CTNNA2: variants seen among roughly 807,000 people sequenced by gnomAD.
CTNNA2 encodes the protein catenin alpha-2.
In CTNNA2, 42 loss-of-function variants were observed where a neutral mutation model predicts 101.0. That is an observed-to-expected ratio of 0.42 (90% confidence interval 0.32 to 0.54). The LOEUF (loss-of-function observed/expected upper bound fraction) is 0.54, where lower values mean the gene tolerates loss of function less well. Ranked by LOEUF, CTNNA2 falls within the 20% of genes least tolerant of loss-of-function variation. CTNNA2 has a pLI of 0.14. For synonymous variants in CTNNA2, 450 were observed against 456.4 expected (o/e 0.99, Z 0.18); for missense variants, 871 against 1,223.1 (o/e 0.71, Z 4.29).
chr2:80,619,346 C>G, intron 18 of CTNNA2, 118 bp downstream of exon 18: 4 of 1,173,166 alleles, frequency 3.4e-6, no homozygotes, highest in Non-Finnish European at 4.4e-6. Context: ...TTAATATTAA[C>G]CAACTTTGGG....
chr2:80,284,726 G>C (rs1244480867), intron 7 of CTNNA2, among the ~76,000 whole-genome samples: 1 of 151,782 alleles, frequency 6.6e-6, no homozygotes, highest in Non-Finnish European at 1.5e-5. Flanking sequence ...TTTTCTCCTT[G>C]GATATTCATT....
At chr2:80,633,954 A>T (rs556043453) in intron 18 of CTNNA2, among the ~76,000 whole-genome samples, 1 of 152,118 alleles carries the variant, frequency 6.6e-6, no homozygotes, top group Non-Finnish European at 1.5e-5. Flanking sequence ...TTTCTCTTTT[A>T]TTTCTCCAAA....
At chr2:80,371,099 A>C (rs915812190) in intron 7 of CTNNA2, among the ~76,000 whole-genome samples, 1 of 152,182 alleles carries the variant, frequency 6.6e-6, no homozygotes, top group Non-Finnish European at 1.5e-5. Flanking sequence ...AGGGTTAGGA[A>C]GGGTACTTCT....
At chr2:79,675,974 G>A (rs1683159085) in intron 2 of CTNNA2, among the ~76,000 whole-genome samples, 1 of 152,172 alleles carries the variant, frequency 6.6e-6, no homozygotes, top group Non-Finnish European at 1.5e-5. Flanking sequence ...AGTTTGTGGA[G>A]TGTCAAGGTA....
chr2:80,599,455 A>G (rs530631850), intron 15 of CTNNA2, among the ~76,000 whole-genome samples: 37 of 152,322 alleles, frequency 2.4e-4, no homozygotes, highest in African/African-American at 7.7e-4. Context: ...TTCCACAGTT[A>G]TTCTTCAGCT....
intron 7 of CTNNA2, among the ~76,000 whole-genome samples, chr2:80,266,836 G>A (rs910109427): frequency 2.6e-5 from 4 of 152,116 alleles, no homozygotes; most frequent in Admixed American, 6.5e-5. Context: ...CACAGAGCAG[G>A]CATCTTCCTA....
At chr2:79,232,131 G>A (rs1674500795) in intron 2 of CTNNA2, among the ~76,000 whole-genome samples, 1 of 152,110 alleles carries the variant, frequency 6.6e-6, no homozygotes, top group South Asian at 2.1e-4. Flanking sequence ...TCCTTGCCTT[G>A]TTCCAGTTCT....
chr2:80,302,111 C>G lies in CTNNA2; in HGVS notation c.1057-91100C>G. The G allele has an allele frequency of 8.7e-7, 1 of 1,153,946 alleles. No homozygotes were observed. Among genetic ancestry groups the G allele is most frequent in the Non-Finnish European group, 1.2e-6 (1 of 841,844 alleles). The allele number at this position is 1,153,946 out of a possible 1,614,324, so 71.5% of individuals were successfully genotyped here. A position where few individuals can be genotyped will look rare whatever the true frequency, so the allele number is the denominator to read the frequency against. On this transcript the variant is annotated intron_variant, in intron 7 of 18. Coordinates refer to ENST00000402739, the MANE Select transcript of CTNNA2 (RefSeq NM_001282597.3). The surrounding 1 kb of genome is among the most constrained non-coding windows in gnomAD (Gnocchi z 6.4). ...ACACAATAAAGCTAAAATGTCAAGT[C>G]TCTGGGAGAGATCCCCTTAAAGTTT...
At chr2:79,235,345 C>CAAT (rs112729432) in intron 2 of CTNNA2, among the ~76,000 whole-genome samples, 13,173 of 152,058 alleles carry the variant, frequency 0.087, 776 homozygotes, top group East Asian at 0.18. Flanking sequence ...TGGTGCATAA[C>CAAT]GTTAGCTGGC....
intron 8 of CTNNA2, among the ~76,000 whole-genome samples, chr2:80,407,053 C>A (rs889519712): frequency 1.3e-5 from 2 of 152,136 alleles, no homozygotes; most frequent in East Asian, 1.9e-4. Context: ...GCCAGCCAAC[C>A]CAACTAGATA....
At chr2:80,330,273 C>G (rs1671200748) in intron 7 of CTNNA2, among the ~76,000 whole-genome samples, 1 of 152,150 alleles carries the variant, frequency 6.6e-6, no homozygotes, top group Non-Finnish European at 1.5e-5. Context: ...ATCTACTTAA[C>G]AGTACCTGCT....
intron 9 of CTNNA2, among the ~76,000 whole-genome samples, chr2:80,475,178 A>G (rs975354778): frequency 2.0e-5 from 3 of 152,190 alleles, no homozygotes; most frequent in African/African-American, 7.2e-5. Flanking sequence ...TTCGGTGTTA[A>G]TAATAAGTAC....
chr2:79,642,837 C>A (rs1449086526), intron 1 of CTNNA2, among the ~76,000 whole-genome samples: 1 of 151,244 alleles, frequency 6.6e-6, no homozygotes, highest in Non-Finnish European at 1.5e-5. Context: ...CAGATACTCT[C>A]TTCAGCGCCA....
intron 4 of CTNNA2, among the ~76,000 whole-genome samples, chr2:79,464,663 A>G (rs896220626): frequency 2.6e-5 from 4 of 152,078 alleles, no homozygotes; most frequent in African/African-American, 9.7e-5. Context: ...CTGACTTTTT[A>G]ATGATCGCCA....
Position 79,506,393 on chromosome 2 carries a change from T to A in CTNNA2, c.-6+1211T>A, listed in dbSNP as rs2103813037. 1.3e-5 allele frequency among the ~76,000 whole-genome samples: 2 copies of A among 152,202 alleles called. 1 individual carries two copies. Among genetic ancestry groups the A allele is most frequent in the South Asian group, 4.2e-4 (2 of 4,816 alleles). Reference sequence around the variant, plus strand: ...ACTTATACAAAGGAATTGTTTCTCTTCCATCAGCAGGGAGGTATCAGAGTG... The same window carrying A: ...ACTTATACAAAGGAATTGTTTCTCTACCATCAGCAGGGAGGTATCAGAGTG... On this transcript the variant is annotated intron_variant, in intron 5 of 21. Transcript: ENST00000466387.
chr2:80,008,079 A>G (rs1472018551), intron 7 of CTNNA2, among the ~76,000 whole-genome samples: 1 of 152,236 alleles, frequency 6.6e-6, no homozygotes, highest in East Asian at 1.9e-4. Flanking sequence ...TATGACCCAG[A>G]TCTACAGCCT....
At chr2:79,923,858 G>A (rs1055933946) in intron 7 of CTNNA2, among the ~76,000 whole-genome samples, 2 of 152,034 alleles carry the variant, frequency 1.3e-5, no homozygotes, top group Non-Finnish European at 2.9e-5. Flanking sequence ...GTCATTTTGT[G>A]TTGGCAGGAA....
rs746303192 is a variant in CTNNA2 at position 80,302,755 on chromosome 2, G to C, written c.1057-90456G>C. On this transcript the variant is annotated intron_variant, in intron 7 of 18. Coordinates refer to ENST00000402739, the MANE Select transcript of CTNNA2 (RefSeq NM_001282597.3). The surrounding 1 kb of genome is among the most constrained non-coding windows in gnomAD (Gnocchi z 6.4). Reference sequence around the variant, plus strand: ...CGCACAGGTGGAAGGCGTACACGGCGTCCAGGACGTCCTCGCCCTGTGCGT... The same window carrying C: ...CGCACAGGTGGAAGGCGTACACGGCCTCCAGGACGTCCTCGCCCTGTGCGT... 1.2e-6 allele frequency: 2 copies of C among 1,612,986 alleles called. No homozygotes were observed. The highest frequency in any genetic ancestry group is 1.7e-6 in the Non-Finnish European group (2 of 1,179,864).
chr2:79,559,827 A>G (rs1328651780), intron 1 of CTNNA2, among the ~76,000 whole-genome samples: 2 of 151,892 alleles, frequency 1.3e-5, no homozygotes, highest in Non-Finnish European at 2.9e-5. Context: ...ATAAAATAAT[A>G]CTAACTATAA....
Sources: allele counts gnomAD v4.1 joint callset (sites outside exome capture counted in the v4.1 genomes callset), GRCh38; gene constraint gnomAD v4.1.1; non-coding constraint Gnocchi (gnomAD v3.1); transcripts MANE v1.5; gene names NCBI Gene and HGNC (gene_info 2026-07-23, HGNC 2026-07-21).